Variants in RTF2 observed in about 807,000 individuals in gnomAD.
The protein encoded by RTF2 is replication termination factor 2, also known as UPF0549 protein C20orf43.
In RTF2, 18 loss-of-function variants were observed where a neutral mutation model predicts 38.0. The ratio of observed to expected loss-of-function variants is 0.47; its 90% confidence interval spans 0.33 to 0.70. The LOEUF is 0.70. RTF2 is among the 30% of genes least tolerant of loss of function. The probability of loss-of-function intolerance (pLI) is 0.02; values close to 1 mark genes in which losing one functional copy is unlikely to be tolerated. For missense variants in RTF2, 311 were observed against 379.6 expected (o/e 0.82, Z 1.50); for synonymous variants, 126 against 137.1 (o/e 0.92, Z 0.57).
intron 3 of RTF2, among the ~76,000 whole-genome samples, chr20:56,475,748 A>G (rs911628665): frequency 2.6e-5 from 4 of 151,406 alleles, no homozygotes; most frequent in Admixed American, 6.6e-5. Context: ...ATCTGATGAG[A>G]AAAAAAAACA....
At chr20:56,476,316 C>T (rs930014264) in intron 3 of RTF2, among the ~76,000 whole-genome samples, 11 of 152,042 alleles carry the variant, frequency 7.2e-5, no homozygotes, top group African/African-American at 2.7e-4. Context: ...ATGAAGCAGC[C>T]TCAGAGAGGA....
chr20:56,485,186 G>C (rs1022441091), intron 5 of RTF2, among the ~76,000 whole-genome samples: 1 of 152,138 alleles, frequency 6.6e-6, no homozygotes, highest in African/African-American at 2.4e-5. Context: ...CTGGCGTAGT[G>C]GTGGTCGGCA....
At chr20:56,496,221 CA>C (rs1334560925) in intron 5 of RTF2, among the ~76,000 whole-genome samples, 4 of 152,142 alleles carry the variant, frequency 2.6e-5, no homozygotes, top group African/African-American at 7.2e-5. Context: ...GCCAAAGAAA[CA>C]TAGCTGAATT....
At chr20:56,484,318 C>G in intron 5 of RTF2, 129 bp downstream of exon 5, 2 of 773,466 alleles carry the variant, frequency 2.6e-6, no homozygotes, top group Non-Finnish European at 4.4e-6. Context: ...TTCCATGGCT[C>G]TTGGTTGCTG....
intron 5 of RTF2, among the ~76,000 whole-genome samples, chr20:56,499,450 G>A (rs1409781621): frequency 7.3e-5 from 11 of 151,590 alleles, no homozygotes; most frequent in Non-Finnish European, 1.5e-4. Flanking sequence ...CAAAGTGCTG[G>A]GATTACAGGC....
intron 5 of RTF2, among the ~76,000 whole-genome samples, chr20:56,488,821 G>A (rs930488672): frequency 6.6e-6 from 1 of 152,186 alleles, no homozygotes; most frequent in Non-Finnish European, 1.5e-5. Context: ...TCATGCTCAC[G>A]GAAGCTGCTG....
At chr20:56,473,479 A>G (rs2083379616) in intron 2 of RTF2, 84 bp downstream of exon 2, 2 of 995,770 alleles carry the variant, frequency 2.0e-6, no homozygotes, top group South Asian at 2.6e-5. Flanking sequence ...CCATTCATCA[A>G]GCGTGGATTA....
intron 1 of RTF2, among the ~76,000 whole-genome samples, chr20:56,469,175 C>T (rs1177960397): frequency 6.6e-6 from 1 of 152,230 alleles, no homozygotes; most frequent in African/African-American, 2.4e-5. Flanking sequence ...ACACTAACTT[C>T]ATTTGCTCAG....
intron 5 of RTF2, among the ~76,000 whole-genome samples, chr20:56,508,300 A>G (rs1336682737): frequency 6.6e-6 from 1 of 152,076 alleles, no homozygotes; most frequent in Admixed American, 6.6e-5. Context: ...TTCAGGAAAA[A>G]AAAAGTACTT....
intron 5 of RTF2, chr20:56,504,387 C>T (rs1266989041): frequency 6.6e-6 from 1 of 152,186 alleles, no homozygotes; most frequent in Admixed American, 6.5e-5. Flanking sequence ...GAAATCGTGG[C>T]ATTCATGGGT....
At chr20:56,507,582 G>A (rs1277601183) in intron 5 of RTF2, among the ~76,000 whole-genome samples, 1 of 152,194 alleles carries the variant, frequency 6.6e-6, no homozygotes, top group Non-Finnish European at 1.5e-5. Context: ...ACTGTATGCA[G>A]AATAAGGTCC....
At chr20:56,482,111 TG>T (rs1982555485) in intron 4 of RTF2, among the ~76,000 whole-genome samples, 1 of 152,242 alleles carries the variant, frequency 6.6e-6, no homozygotes, top group Admixed American at 6.5e-5. Flanking sequence ...ATTTTGACTT[TG>T]TCCATCTGTT....
chr20:56,500,676 C>T (rs1983870036), intron 5 of RTF2, among the ~76,000 whole-genome samples: 1 of 152,224 alleles, frequency 6.6e-6, no homozygotes, highest in Admixed American at 6.5e-5. Flanking sequence ...CCAGTTAAAT[C>T]TTCCCTCTGG....
At chr20:56,476,461 T>C (rs145829604) in intron 3 of RTF2, among the ~76,000 whole-genome samples, 1,951 of 152,094 alleles carry the variant, frequency 0.013, 55 homozygotes, top group African/African-American at 0.045. Context: ...ACTGATTTAC[T>C]TGCTAGTCAG....
Position 56,513,356 on chromosome 20 carries a change from T to C in RTF2, c.519T>C (p.Asn173=). 1 of 1,608,810 alleles carries C rather than the reference T, an allele frequency of 6.2e-7. No individual in the cohort carries two copies. The highest frequency in any genetic ancestry group is 8.5e-7 in the Non-Finnish European group (1 of 1,177,936). Residue 173 remains asparagine (N), a synonymous_variant, in exon 6 of 9, where the codon AAT becomes AAC. Transcript: ENST00000357348. ...AFQEDDVIML[N]GTKEDVDVLK... ...AGGAGGATGATGTCATCATGCTCAATGGCACCAAGGAGGATGTGGACGTGC... is the reference window on the plus strand; with the variant it reads ...AGGAGGATGATGTCATCATGCTCAACGGCACCAAGGAGGATGTGGACGTGC...
chr20:56,471,385 A>G (rs1448236594), intron 1 of RTF2, among the ~76,000 whole-genome samples: 1 of 152,074 alleles, frequency 6.6e-6, no homozygotes, highest in Non-Finnish European at 1.5e-5. Flanking sequence ...TGGCTAACAC[A>G]GTGAAACCCT....
At chr20:56,516,863 A>G (rs1329854305) in intron 6 of RTF2, 72 bp from the exon 7 acceptor site, 26 of 1,422,398 alleles carry the variant, frequency 1.8e-5, no homozygotes, top group South Asian at 2.3e-5. Flanking sequence ...ACCCGGGACA[A>G]TGGGCAGCCA....
At chr20:56,513,816 A>C (rs1984849546) in intron 6 of RTF2, 3 of 212,914 alleles carry the variant, frequency 1.4e-5, no homozygotes, top group Non-Finnish European at 3.0e-5. Flanking sequence ...GATTTAAGGC[A>C]GTACATACTC....
intron 5 of RTF2, among the ~76,000 whole-genome samples, chr20:56,498,492 C>T (rs1380968505): frequency 6.7e-6 from 1 of 149,054 alleles, no homozygotes; most frequent in African/African-American, 2.5e-5. Context: ...GACCGTGTCT[C>T]CCAAAAAAAA....
Sources: allele counts gnomAD v4.1 joint callset (sites outside exome capture counted in the v4.1 genomes callset), GRCh38; gene constraint gnomAD v4.1.1; transcripts MANE v1.5; gene names NCBI Gene and HGNC (gene_info 2026-07-23, HGNC 2026-07-21).